PSMG1: variants seen among roughly 807,000 people sequenced by gnomAD.
PSMG1 encodes proteasome assembly chaperone 1.
PSMG1 carries 23 observed loss-of-function variants against 37.2 expected under a neutral mutation model. The ratio of observed to expected loss-of-function variants is 0.62; its 90% CI spans 0.44 to 0.88. The LOEUF (loss-of-function observed/expected upper bound fraction) is 0.88. Ranked by LOEUF, PSMG1 falls within the 40% of genes least tolerant of loss-of-function variation. The pLI, the probability that PSMG1 is intolerant of heterozygous loss-of-function variation, is 0.00. For synonymous variants in PSMG1, 127 were observed against 128.0 expected, an observed-to-expected ratio of 0.99 and a Z score of 0.05; for missense variants, 340 against 344.2, an observed-to-expected ratio of 0.99 and a Z score of 0.10.
At chr21:39,182,759 G>A (rs947658989) in intron 1 of PSMG1, among the ~76,000 whole-genome samples, 16 of 152,218 alleles carry the variant, frequency 1.1e-4, no homozygotes, top group African/African-American at 3.9e-4. Flanking sequence ...TTTTTAAAGC[G>A]TGTTCATCGG....
At chr21:39,183,509 G>T (rs913854163), upstream of PSMG1, 1 of 1,242,466 alleles carries the variant, frequency 8.0e-7, no homozygotes, top group Non-Finnish European at 1.1e-6. Context: ...CGCCCTCCGC[G>T]CACAGCCCAA....
chr21:39,180,369 A>G lies in PSMG1; in HGVS notation c.309T>C (p.Asn103=). Reference sequence around the variant, plus strand: ...TAGTGTCTGTTGTTCTACACCATTCATTCCAGAGTTTAGCACAACCAACTT... The same window carrying G: ...TAGTGTCTGTTGTTCTACACCATTCGTTCCAGAGTTTAGCACAACCAACTT... ...WEEVGCAKLW[N]EWCRTTDTTH... The change falls in exon 3 of 7, where the codon AAT becomes AAC. Residue 103 remains asparagine (N), a synonymous_variant. Coordinates refer to ENST00000331573, the MANE Select transcript of PSMG1 (RefSeq NM_003720.4). 6.2e-7 allele frequency: 1 copy of G among 1,612,122 alleles called. No individual in the cohort carries two copies. The highest frequency in any genetic ancestry group is 1.1e-5 in the South Asian group (1 of 90,588).
At position 39,174,979 on chromosome 21, in the gene PSMG1, C is replaced by T. The variant is rs901820541; in HGVS notation, c.*611G>A. On this transcript the variant is annotated 3_prime_UTR_variant, in exon 7 of 7. Transcript: ENST00000331573. The stretch of plus-strand genomic sequence containing the variant: ...TTTTAGTAAATATATAATTTTGTTA[C>T]TTTGTCATCAATTTTTACCCACAAG... 6.6e-6 allele frequency: 1 copy of T among 152,146 alleles called. No individual in the cohort carries two copies. The highest frequency in any genetic ancestry group is 1.5e-5 in the Non-Finnish European group (1 of 68,022). The allele number at this position is 152,146 out of a possible 1,614,324, so 9.4% of individuals were successfully genotyped here.
intron 4 of PSMG1, 78 bp downstream of exon 4, chr21:39,179,846 A>T: frequency 8.5e-7 from 1 of 1,181,326 alleles, no homozygotes; most frequent in South Asian, 1.4e-5. Flanking sequence ...GCATAAGTTT[A>T]AGTTAAAAGA....
chr21:39,183,109 G>A (rs999995828), intron 1 of PSMG1, 143 bp downstream of exon 1: 3 of 1,074,878 alleles, frequency 2.8e-6, no homozygotes, highest in East Asian at 3.2e-5. Context: ...GAGACCCAGG[G>A]CCCAAGCAGA....
Position 39,175,606 on chromosome 21 carries a change from C to A in PSMG1, c.851G>T (p.Ser284Ile), listed in dbSNP as rs766653960. 1.3e-6 allele frequency: 2 copies of A among 1,593,190 alleles called. No homozygotes were observed. The highest frequency in any genetic ancestry group is 1.7e-6 in the Non-Finnish European group (2 of 1,161,226). ...KKLMTTNEIQ[S>I]NIYT ...TGTTTAAGATCATGTATAAATGTTA[C>A]TCTGAATCTCATTTGTTGTCATCAA... The change falls in exon 7 of 7, where the codon AGT (serine) becomes ATT (isoleucine). Residue 284 changes from serine to isoleucine, a missense_variant. Physicochemically the swap from Ser to Ile is moderately radical, Grantham distance 142 (BLOSUM62 -2). Coordinates refer to ENST00000331573, the MANE Select transcript of PSMG1 (RefSeq NM_003720.4).
At chr21:39,175,893 G>A (rs1013099572) in intron 6 of PSMG1, among the ~76,000 whole-genome samples, 4 of 152,082 alleles carry the variant, frequency 2.6e-5, no homozygotes, top group African/African-American at 9.7e-5. Flanking sequence ...TGGTCTCCTG[G>A]CCTCTGGAGG....
At chr21:39,181,662 C>G in intron 2 of PSMG1, 110 bp downstream of exon 2, 1 of 670,700 alleles carries the variant, frequency 1.5e-6, no homozygotes, top group East Asian at 3.3e-5. Flanking sequence ...TACAATCACT[C>G]TACTGTGGCT....
In PSMG1 at chr21:39,180,518, T is replaced by C. The variant is rs559182677; in HGVS notation, c.242-82A>G. The C allele has an allele frequency of 5.8e-6, 8 of 1,380,904 alleles. No homozygotes were observed. The Admixed American group carries it at 7.5e-5, about 13-fold the overall frequency. The allele number at this position is 1,380,904 out of a possible 1,614,324, so 85.5% of individuals were successfully genotyped here. On this transcript the variant is annotated intron_variant, in intron 2 of 6. Coordinates refer to ENST00000331573, the MANE Select transcript of PSMG1 (RefSeq NM_003720.4). Reference sequence around the variant, plus strand: ...TCAATAAAAAGTAAGCTCAAGTTACTGTAGAATTTGAGAGCTGAAAGAGCC... The same window carrying C: ...TCAATAAAAAGTAAGCTCAAGTTACCGTAGAATTTGAGAGCTGAAAGAGCC...
chr21:39,182,486 T>A (rs150785486), intron 1 of PSMG1, among the ~76,000 whole-genome samples: 437 of 152,230 alleles, frequency 2.9e-3, no homozygotes, highest in African/African-American at 0.01. Flanking sequence ...TAAACGTGAG[T>A]GAGCATGGAC....
intron 5 of PSMG1, 93 bp from the exon 6 acceptor site, chr21:39,177,664 G>GTAGT (rs1228038142): frequency 2.9e-6 from 3 of 1,019,176 alleles, no homozygotes; most frequent in African/African-American, 1.7e-5. Flanking sequence ...GTTGTTAAAA[G>GTAGT]TAGTTATCTC....
At position 39,175,530 on chromosome 21, in the gene PSMG1, G is replaced by A; in HGVS notation, c.*60C>T. 1 of 1,540,218 alleles carries A rather than the reference G, an allele frequency of 6.5e-7. No homozygotes were observed. Among genetic ancestry groups the A allele is most frequent in the Non-Finnish European group, 8.8e-7 (1 of 1,140,942 alleles). ...CCCCAAAAGTAATCTACAAAAGAGT[G>A]CAGGCTGCTCCCCTTAAAGGAATGG... On this transcript the variant is annotated 3_prime_UTR_variant, in exon 7 of 7. Transcript: ENST00000331573.
chr21:39,178,695 C>T (rs1204454827), intron 4 of PSMG1, 48 bp from the exon 5 acceptor site: 1 of 1,522,702 alleles, frequency 6.6e-7, no homozygotes, highest in South Asian at 1.2e-5. Context: ...AATTTTGTTA[C>T]AGAATGGAAA....
intron 4 of PSMG1, among the ~76,000 whole-genome samples, chr21:39,179,059 T>C (rs531771996): frequency 1.3e-5 from 2 of 152,214 alleles, no homozygotes; most frequent in Admixed American, 6.5e-5. Flanking sequence ...CTAGAGCTGG[T>C]AGTTCAAAAG....
chr21:39,181,656 A>G (rs2030831283), intron 2 of PSMG1, 116 bp downstream of exon 2: 1 of 616,482 alleles, frequency 1.6e-6, no homozygotes, highest in Non-Finnish European at 2.5e-6. Context: ...CAGAAATACA[A>G]TCACTCTACT....
chr21:39,175,973 T>C (rs935085157), intron 6 of PSMG1, among the ~76,000 whole-genome samples: 1 of 151,974 alleles, frequency 6.6e-6, no homozygotes, highest in Non-Finnish European at 1.5e-5. Context: ...AACACCACAC[T>C]CCTCACGGCT....
intron 5 of PSMG1, 59 bp downstream of exon 5, chr21:39,178,390 A>T (rs1207095124): frequency 6.7e-7 from 1 of 1,492,284 alleles, no homozygotes; most frequent in Non-Finnish European, 9.3e-7. Flanking sequence ...TCTAATGGTG[A>T]AAAGTAGTAT....
Position 39,179,912 on chromosome 21 carries a change from T to C in PSMG1, c.456+12A>G, listed in dbSNP as rs1301314535. ...TAGACTAACCATTCACAGGTTTTCA[T>C]TTCTCTCTTACCTTTTCCAGCCACT... On this transcript the variant is annotated intron_variant, in intron 4 of 6. Transcript: ENST00000331573. 1 of 1,611,712 alleles carries C rather than the reference T, an allele frequency of 6.2e-7. No individual in the cohort carries two copies.
intron 3 of PSMG1, 97 bp downstream of exon 3, chr21:39,180,188 G>T: frequency 7.2e-7 from 1 of 1,397,378 alleles, no homozygotes; most frequent in Non-Finnish European, 9.6e-7. Context: ...CACTGACAGA[G>T]CAACTGAAAG....
Sources: allele counts gnomAD v4.1 joint callset (sites outside exome capture counted in the v4.1 genomes callset), GRCh38; gene constraint gnomAD v4.1.1; transcripts MANE v1.5; gene names NCBI Gene and HGNC (gene_info 2026-07-23, HGNC 2026-07-21).